The following NTRK2 variants were observed in gnomAD, a reference collection of about 807,000 sequenced individuals.
NTRK2 encodes BDNF/NT-3 growth factors receptor.
A neutral mutation model predicts 94.5 loss-of-function variants in NTRK2; 13 were observed. That is an observed-to-expected ratio of 0.14 (90% CI 0.09 to 0.22). NTRK2 has a LOEUF of 0.22. Ranked by LOEUF, NTRK2 falls within the 10% of genes least tolerant of loss-of-function variation. NTRK2 has a pLI of 1.00. For missense variants in NTRK2, 639 were observed against 1,071.2 expected, an observed-to-expected ratio of 0.60 and a Z score of 5.63; for synonymous variants, 372 against 407.4, an observed-to-expected ratio of 0.91 and a Z score of 1.05.
At chr9:84,969,497 A>G (rs1318735432) in intron 17 of NTRK2, among the ~76,000 whole-genome samples, 1 of 152,280 alleles carries the variant, frequency 6.6e-6, no homozygotes, top group African/African-American at 2.4e-5. Flanking sequence ...TAAAATATAC[A>G]GCATTACAAA....
chr9:84,797,405 C>T (rs144857186), intron 12 of NTRK2, among the ~76,000 whole-genome samples: 257 of 149,092 alleles, frequency 1.7e-3, no homozygotes, highest in Non-Finnish European at 2.4e-3. Context: ...GTGATACCTG[C>T]ATAACTAGTT....
chr9:84,748,740 G>A (rs376421375), intron 11 of NTRK2, among the ~76,000 whole-genome samples: 2 of 152,122 alleles, frequency 1.3e-5, no homozygotes, highest in Admixed American at 6.5e-5. Flanking sequence ...ATCTGTAGAA[G>A]TCTGCAATTT....
chr9:84,889,972 A>T (rs1215518380), intron 14 of NTRK2, among the ~76,000 whole-genome samples: 2 of 152,246 alleles, frequency 1.3e-5, no homozygotes, highest in Non-Finnish European at 2.9e-5. Flanking sequence ...TAGTAGCAGC[A>T]TTATAAAGAT....
chr9:84,901,104 A>G (rs2076913350), intron 14 of NTRK2, among the ~76,000 whole-genome samples: 1 of 152,226 alleles, frequency 6.6e-6, no homozygotes. Context: ...TCCCCAGCAG[A>G]TAACTCACAG....
At chr9:84,916,993 T>A (rs976082949) in intron 14 of NTRK2, among the ~76,000 whole-genome samples, 2 of 152,190 alleles carry the variant, frequency 1.3e-5, no homozygotes, top group Non-Finnish European at 2.9e-5. Flanking sequence ...TCTGTCACAC[T>A]CCCTTCTCCT....
intron 12 of NTRK2, among the ~76,000 whole-genome samples, chr9:84,760,885 T>TA (rs2065505570): frequency 6.6e-6 from 1 of 152,198 alleles, no homozygotes; most frequent in Non-Finnish European, 1.5e-5. Context: ...TGATTTATTT[T>TA]AAAAAATAGG....
chr9:85,018,060 T>C (rs1832427918), intron 17 of NTRK2, among the ~76,000 whole-genome samples: 1 of 152,180 alleles, frequency 6.6e-6, no homozygotes. Flanking sequence ...GCCATGTTTG[T>C]ATCTTAAGAG....
At chr9:84,915,842 A>G (rs1427492184) in intron 14 of NTRK2, among the ~76,000 whole-genome samples, 1 of 152,172 alleles carries the variant, frequency 6.6e-6, no homozygotes, top group African/African-American at 2.4e-5. Context: ...AGTGTAGAAG[A>G]ACACTTGCTA....
intron 12 of NTRK2, among the ~76,000 whole-genome samples, chr9:84,799,775 G>A (rs1163011753): frequency 6.6e-6 from 1 of 152,088 alleles, no homozygotes; most frequent in Non-Finnish European, 1.5e-5. Flanking sequence ...CAGTTCAGTT[G>A]GGGGTGGGAG....
chr9:84,910,673 CA>C lies in NTRK2; in HGVS notation c.1634-23484del, dbSNP rs926025504. On this transcript the variant is annotated intron_variant, in intron 14 of 18. Transcript: ENST00000277120. ...TACAAAATTGCTTTTACATGCTTGT[CA>C]AAAATCATCTGGGCATATCTGTCTG... 4.3e-4 allele frequency among the ~76,000 whole-genome samples: 65 copies of C among 152,128 alleles called. 2 individuals carry two copies. Among genetic ancestry groups the C allele is most frequent in the Non-Finnish European group, 1.0e-4 (7 of 68,006 alleles).
At chr9:84,812,865 A>G (rs2071961979) in intron 12 of NTRK2, 2 of 1,034,324 alleles carry the variant, frequency 1.9e-6, no homozygotes, top group Non-Finnish European at 2.3e-6. Context: ...AGGCCATTTA[A>G]TATATCAAAG....
chr9:84,990,568 T>C (rs749023423), intron 17 of NTRK2, among the ~76,000 whole-genome samples: 1 of 152,208 alleles, frequency 6.6e-6, no homozygotes, highest in Admixed American at 6.5e-5. Flanking sequence ...ATGGTGGAAT[T>C]TGCCCATTCC....
At chr9:84,945,482 TC>T (rs2132849375) in intron 15 of NTRK2, among the ~76,000 whole-genome samples, 1 of 152,240 alleles carries the variant, frequency 6.6e-6, no homozygotes, top group East Asian at 1.9e-4. Flanking sequence ...CAGATAGACT[TC>T]CATCTCTTCT....
intron 12 of NTRK2, among the ~76,000 whole-genome samples, chr9:84,772,343 C>T (rs1484437937): frequency 6.6e-6 from 1 of 152,098 alleles, no homozygotes; most frequent in East Asian, 1.9e-4. Flanking sequence ...AAACCTCCGC[C>T]TCCTGGGTTC....
At chr9:84,816,976 A>C (rs2072464364) in intron 12 of NTRK2, among the ~76,000 whole-genome samples, 1 of 152,162 alleles carries the variant, frequency 6.6e-6, no homozygotes, top group Non-Finnish European at 1.5e-5. Context: ...GCTCACGAAC[A>C]ATATAATCTT....
At chr9:84,820,177 T>TA (rs2072701718) in intron 12 of NTRK2, among the ~76,000 whole-genome samples, 1 of 150,726 alleles carries the variant, frequency 6.6e-6, no homozygotes, top group Non-Finnish European at 1.5e-5. Flanking sequence ...TTCTTTTTTT[T>TA]TTTTTTTTTG....
intron 5 of NTRK2, among the ~76,000 whole-genome samples, chr9:84,708,256 G>C (rs2061229487): frequency 6.6e-6 from 1 of 152,154 alleles, no homozygotes; most frequent in African/African-American, 2.4e-5. Context: ...CACAGCTCTG[G>C]TTTGGTTCCT....
chr9:84,852,760 G>T (rs1019872945), intron 12 of NTRK2, among the ~76,000 whole-genome samples: 8 of 152,182 alleles, frequency 5.3e-5, no homozygotes, highest in Non-Finnish European at 1.0e-4. Flanking sequence ...GAAATAGTTG[G>T]CAAGTTTCTT....
intron 17 of NTRK2, among the ~76,000 whole-genome samples, chr9:85,017,323 T>TA (rs1181118257): frequency 6.6e-6 from 1 of 152,170 alleles, no homozygotes; most frequent in Admixed American, 6.5e-5. Context: ...CATTATTACT[T>TA]ACATATAATT....
Sources: gnomAD v4.1 joint callset for allele counts (sites outside exome capture counted in the v4.1 genomes callset) on GRCh38, gnomAD v4.1.1 for gene constraint, MANE v1.5 for transcripts, NCBI Gene and HGNC (gene_info 2026-07-23, HGNC 2026-07-21) for gene names.